Variants in EIF2AK3 observed in about 807,000 individuals in gnomAD.
EIF2AK3 encodes eukaryotic translation initiation factor 2-alpha kinase 3.
EIF2AK3 carries 50 observed loss-of-function variants against 113.5 expected under a neutral mutation model. The observed-to-expected ratio is 0.44, with a 90% CI of 0.35 to 0.56. The LOEUF (loss-of-function observed/expected upper bound fraction) is 0.56, where lower values mean the gene tolerates loss of function less well. Among genes scored for constraint, EIF2AK3 ranks in the 20% least tolerant of loss-of-function variants. The probability of loss-of-function intolerance (pLI) is 0.00; values close to 1 mark genes in which losing one functional copy is unlikely to be tolerated. For missense variants in EIF2AK3, 1,185 were observed against 1,378.0 expected, an observed-to-expected ratio of 0.86 and a Z score of 2.22; for synonymous variants, 448 against 495.4, an observed-to-expected ratio of 0.90 and a Z score of 1.27.
At chr2:88,584,299 T>A (rs1026158281) in intron 9 of EIF2AK3, among the ~76,000 whole-genome samples, 1 of 151,998 alleles carries the variant, frequency 6.6e-6, no homozygotes, top group African/African-American at 2.4e-5. Flanking sequence ...GGCAGATCAC[T>A]TGAGGCCAGG....
chr2:88,608,246 G>A (rs998642493), intron 2 of EIF2AK3, among the ~76,000 whole-genome samples: 3 of 152,046 alleles, frequency 2.0e-5, no homozygotes, highest in Admixed American at 6.5e-5. Context: ...CTGTTTCCTC[G>A]TCATAAGACA....
intron 1 of EIF2AK3, among the ~76,000 whole-genome samples, chr2:88,625,381 C>G (rs940773022): frequency 3.3e-5 from 5 of 152,040 alleles, no homozygotes; most frequent in African/African-American, 1.2e-4. Context: ...CTCTGTGCCT[C>G]TTGCTGTTTC....
intron 10 of EIF2AK3, among the ~76,000 whole-genome samples, chr2:88,580,957 T>C (rs1048673087): frequency 1.4e-4 from 22 of 152,264 alleles, no homozygotes; most frequent in African/African-American, 4.8e-4. Context: ...ATCCTACTCC[T>C]GGAGGGCCAG....
At chr2:88,589,806 C>T (rs1389436316) in intron 6 of EIF2AK3, among the ~76,000 whole-genome samples, 1 of 151,938 alleles carries the variant, frequency 6.6e-6, no homozygotes, top group Non-Finnish European at 1.5e-5. Flanking sequence ...ATCTCAGCCT[C>T]TGGAGTAGCT....
At chr2:88,626,118 C>G (rs1339350832) in intron 1 of EIF2AK3, among the ~76,000 whole-genome samples, 3 of 152,060 alleles carry the variant, frequency 2.0e-5, no homozygotes, top group Non-Finnish European at 4.4e-5. Flanking sequence ...TTGGCTGTCC[C>G]CCAAATTTAC....
chr2:88,579,760 AAATAG>A, intron 10 of EIF2AK3, 120 bp from the exon 11 acceptor site: 1 of 911,340 alleles, frequency 1.1e-6, no homozygotes, highest in East Asian at 2.7e-5. Flanking sequence ...TCATCTTAAT[AAATAG>A]TATATTTTGA....
intron 14 of EIF2AK3, among the ~76,000 whole-genome samples, chr2:88,565,562 G>A (rs555400619): frequency 2.0e-5 from 3 of 152,032 alleles, no homozygotes; most frequent in African/African-American, 4.8e-5. Context: ...GGCCGGTCTC[G>A]AACTCTGAAG....
intron 2 of EIF2AK3, among the ~76,000 whole-genome samples, chr2:88,598,783 T>G (rs1303933870): frequency 6.6e-6 from 1 of 152,214 alleles, no homozygotes; most frequent in Non-Finnish European, 1.5e-5. Context: ...TAATATAAAT[T>G]GATAATGCTT....
intron 12 of EIF2AK3, 187 bp from the exon 13 acceptor site, chr2:88,575,633 C>T: frequency 1.5e-6 from 1 of 682,054 alleles, no homozygotes; most frequent in Non-Finnish European, 2.5e-6. Flanking sequence ...TTCATTCCTT[C>T]TAAAAAACTT....
chr2:88,583,636 A>G (rs934255097), intron 9 of EIF2AK3, 94 bp from the exon 10 acceptor site: 1 of 860,264 alleles, frequency 1.2e-6, no homozygotes. Context: ...ACTGAAAAAT[A>G]CATAAGTAGC....
Position 88,593,743 on chromosome 2 carries a change from TA to T in EIF2AK3, c.634-339del, listed in dbSNP as rs372432648. On this transcript the variant is annotated intron_variant, in intron 3 of 16. Coordinates refer to ENST00000303236, the MANE Select transcript of EIF2AK3 (RefSeq NM_004836.7). The stretch of plus-strand genomic sequence containing the variant: ...ATCATTAATAAAATTTCAGGTGAGT[TA>T]AAAAAAAAATCAACCTTAGAGTTTC... Among the ~76,000 whole-genome samples the T allele has an allele frequency of 1.3e-3, 200 of 149,946 alleles. 2 individuals are homozygous for T. The highest frequency in any genetic ancestry group is 5.7e-3 in the South Asian group (27 of 4,770).
At position 88,557,894 on chromosome 2, in the gene EIF2AK3, G is replaced by A. The variant is rs866814797; in HGVS notation, c.3193C>T (p.Arg1065Ter). ...TCAATGATGTTTATAGCTTCAGGTC[G>A]TTCCATGGGGGATGGAGAGAGCATG... is the stretch of plus-strand genomic sequence containing the variant. ...QDMLSPSPME[R>*]PEAINIIENA... Residue 1065 changes from arginine to a stop codon, truncating the protein, a stop_gained, in exon 17 of 17, where the codon CGA becomes TGA. Transcript: ENST00000303236. LOFTEE classifies it high-confidence loss of function. The A allele has an allele frequency of 7.4e-6, 12 of 1,613,972 alleles. No individual in the cohort carries two copies. The highest frequency in any genetic ancestry group is 2.2e-5 in the South Asian group (2 of 91,088).
At chr2:88,590,336 T>C (rs1006011426) in intron 6 of EIF2AK3, 107 bp downstream of exon 6, 32 of 1,094,110 alleles carry the variant, frequency 2.9e-5, no homozygotes, top group Admixed American at 8.7e-5. Flanking sequence ...AGAGATGATA[T>C]TAGGATTTAA....
intron 1 of EIF2AK3, among the ~76,000 whole-genome samples, chr2:88,621,237 T>TA (rs1435838140): frequency 1.3e-5 from 2 of 152,118 alleles, no homozygotes; most frequent in East Asian, 1.9e-4. Flanking sequence ...GAATACGCAA[T>TA]AAAAAAAGAA....
chr2:88,616,965 G>A (rs1285160573), intron 1 of EIF2AK3, among the ~76,000 whole-genome samples: 2 of 152,070 alleles, frequency 1.3e-5, no homozygotes, highest in Non-Finnish European at 2.9e-5. Flanking sequence ...TTCATTATGG[G>A]CTCCTCCCCA....
At chr2:88,594,485 C>A (rs1226415812) in intron 3 of EIF2AK3, among the ~76,000 whole-genome samples, 1 of 152,188 alleles carries the variant, frequency 6.6e-6, no homozygotes, top group African/African-American at 2.4e-5. Context: ...GTGTGAGCCA[C>A]CTTGCCTGGT....
At chr2:88,570,131 T>A (rs2104401776) in intron 14 of EIF2AK3, among the ~76,000 whole-genome samples, 1 of 152,360 alleles carries the variant, frequency 6.6e-6, no homozygotes, top group South Asian at 2.1e-4. Context: ...TTAGTTGATT[T>A]AATAAAGTTT....
chr2:88,613,739 G>C lies in EIF2AK3; in HGVS notation c.423C>G (p.Ser141Arg). ...AAATTCTTACCTCTGGTTTGCTAAG[G>C]CTGGATGACACCAAGGAACCGGATC... is the stretch of plus-strand genomic sequence containing the variant. ...DVGSGSLVSS[S>R]LSKPEVFGNK... Residue 141 changes from serine to arginine, a missense_variant, in exon 2 of 17, where the codon AGC (serine) becomes AGG (arginine). Physicochemically the swap from Ser to Arg is moderately radical, Grantham distance 110. Around this residue, in one of 3 missense-constraint regions of EIF2AK3, gnomAD observed 119 missense variants for 178.7 expected, o/e 0.67. Coordinates refer to ENST00000303236, the MANE Select transcript of EIF2AK3 (RefSeq NM_004836.7). The C allele has an allele frequency of 3.1e-6, 5 of 1,614,034 alleles. No homozygotes were observed. The highest frequency in any genetic ancestry group is 3.4e-6 in the Non-Finnish European group (4 of 1,179,968).
chr2:88,575,932 G>T (rs1674447472), intron 12 of EIF2AK3, among the ~76,000 whole-genome samples: 1 of 152,284 alleles, frequency 6.6e-6, no homozygotes, highest in East Asian at 1.9e-4. Context: ...CAGTTGTTTG[G>T]TGGCAGTCTA....
Sources: gnomAD v4.1 joint callset for allele counts (sites outside exome capture counted in the v4.1 genomes callset) on GRCh38, gnomAD v4.1.1 for gene constraint, gnomAD v4.1.1 regional missense constraint, MANE v1.5 for transcripts, NCBI Gene and HGNC (gene_info 2026-07-23, HGNC 2026-07-21) for gene names.